LPP: variants seen among roughly 807,000 people sequenced by gnomAD.
LPP encodes the protein LIM domain containing preferred translocation partner in lipoma.
In LPP, 38 loss-of-function variants were observed where a neutral mutation model predicts 60.4. That is an observed-to-expected ratio of 0.63 (90% CI 0.49 to 0.83). LPP has a LOEUF of 0.83. LPP is among the 40% of genes least tolerant of loss of function. The pLI, the probability that LPP is intolerant of heterozygous loss-of-function variation, is 0.00. For missense variants in LPP, 902 were observed against 783.6 expected (o/e 1.15, Z -1.80); for synonymous variants, 328 against 290.8 (o/e 1.13, Z -1.30).
chr3:188,846,478 G>T (rs934557444), intron 9 of LPP, among the ~76,000 whole-genome samples: 2 of 152,030 alleles, frequency 1.3e-5, no homozygotes, highest in Non-Finnish European at 2.9e-5. Context: ...GAGGTCAGGG[G>T]TTCAAGACCA....
chr3:188,229,357 G>A (rs1718998549), intron 2 of LPP, among the ~76,000 whole-genome samples: 1 of 152,124 alleles, frequency 6.6e-6, no homozygotes, highest in African/African-American at 2.4e-5. Flanking sequence ...GTTGATACCG[G>A]TTTACAATTG....
intron 9 of LPP, among the ~76,000 whole-genome samples, chr3:188,839,112 A>C (rs1488187239): frequency 6.6e-6 from 1 of 152,224 alleles, no homozygotes; most frequent in Admixed American, 6.5e-5. Flanking sequence ...GATGAAAATC[A>C]CCAAATAGTA....
intron 5 of LPP, among the ~76,000 whole-genome samples, chr3:188,507,168 C>A (rs1172886496): frequency 6.6e-6 from 1 of 152,094 alleles, no homozygotes; most frequent in Non-Finnish European, 1.5e-5. Context: ...TTGATCTATT[C>A]TTTCTTCGAC....
chr3:188,588,349 C>T (rs910254892), intron 6 of LPP, among the ~76,000 whole-genome samples: 2 of 152,174 alleles, frequency 1.3e-5, no homozygotes, highest in Non-Finnish European at 2.9e-5. Context: ...GTGTCCCTCC[C>T]CTGCCCTTCT....
intron 7 of LPP, among the ~76,000 whole-genome samples, chr3:188,675,184 C>T (rs1196699838): frequency 6.6e-6 from 1 of 152,178 alleles, no homozygotes; most frequent in Admixed American, 6.5e-5. Flanking sequence ...AACAGCTGTT[C>T]AGACTTGTGG....
At chr3:188,670,858 G>T (rs191565791) in intron 7 of LPP, among the ~76,000 whole-genome samples, 2 of 152,158 alleles carry the variant, frequency 1.3e-5, no homozygotes, top group African/African-American at 4.8e-5. Flanking sequence ...TATTTGGAGC[G>T]CTACCATGAT....
At chr3:188,602,613 A>G (rs1328805708) in intron 6 of LPP, among the ~76,000 whole-genome samples, 1 of 151,708 alleles carries the variant, frequency 6.6e-6, no homozygotes, top group Non-Finnish European at 1.5e-5. Context: ...GAATCACTGG[A>G]TTTTTGAGAG....
intron 2 of LPP, among the ~76,000 whole-genome samples, chr3:188,296,811 G>T (rs1748054635): frequency 6.6e-6 from 1 of 152,180 alleles, no homozygotes. Flanking sequence ...GGGAGGATCT[G>T]CCTCTAACAG....
intron 7 of LPP, among the ~76,000 whole-genome samples, chr3:188,687,950 T>A (rs1195820126): frequency 6.6e-6 from 1 of 152,118 alleles, no homozygotes; most frequent in African/African-American, 2.4e-5. Flanking sequence ...AATTTTTTTG[T>A]ATTTTTAGTA....
chr3:188,398,252 T>C (rs957463106), intron 3 of LPP, among the ~76,000 whole-genome samples: 2 of 152,134 alleles, frequency 1.3e-5, no homozygotes. Context: ...TTAGAGGGAA[T>C]GGTAGTGGAT....
At chr3:188,468,496 C>T (rs1436905435) in intron 4 of LPP, among the ~76,000 whole-genome samples, 1 of 152,088 alleles carries the variant, frequency 6.6e-6, no homozygotes, top group Admixed American at 6.6e-5. Context: ...GACTAGCGGA[C>T]CTCTTTATTC....
chr3:188,847,397 AAAG>A (rs1405320017), intron 9 of LPP, among the ~76,000 whole-genome samples: 2 of 152,226 alleles, frequency 1.3e-5, no homozygotes, highest in South Asian at 2.1e-4. Flanking sequence ...TGGAGAAATC[AAAG>A]AAGACTCTCA....
intron 4 of LPP, among the ~76,000 whole-genome samples, chr3:188,420,684 A>G (rs560371903): frequency 3.9e-5 from 6 of 152,270 alleles, no homozygotes; most frequent in African/African-American, 1.2e-4. Flanking sequence ...CATTAAGAAA[A>G]GTAACATCTC....
intron 9 of LPP, among the ~76,000 whole-genome samples, chr3:188,846,000 C>T (rs928858950): frequency 3.9e-5 from 6 of 152,340 alleles, no homozygotes; most frequent in Admixed American, 3.3e-4. Flanking sequence ...CTATTAATCT[C>T]GACAAAATCA....
chr3:188,883,139 C>T lies in LPP; in HGVS notation c.*8660C>T. On this transcript the variant is annotated 3_prime_UTR_variant, in exon 12 of 12. Coordinates refer to ENST00000617246, the MANE Select transcript of LPP (RefSeq NM_001375462.1). ...GGGGCATATGTTCTCTTTGGTGCCA[C>T]ACAAAACCTGTAGTACATGATACAG... 1 of 219,014 alleles carries T rather than the reference C, an allele frequency of 4.6e-6. No homozygotes were observed. Among genetic ancestry groups the T allele is most frequent in the Non-Finnish European group, 9.2e-6 (1 of 108,968 alleles). 13.6% of individuals were successfully genotyped at this position (219,014 alleles called of 1,614,324 possible). A position where few individuals can be genotyped will look rare whatever the true frequency, so the allele number is the denominator to read the frequency against.
intron 7 of LPP, among the ~76,000 whole-genome samples, chr3:188,624,408 A>G (rs1418810272): frequency 6.6e-6 from 1 of 152,246 alleles, no homozygotes; most frequent in African/African-American, 2.4e-5. Flanking sequence ...TTCAAAACAA[A>G]CACGGCTTGA....
rs1252458000 is a variant in LPP at position 188,384,831 on chromosome 3, G to T, written c.-9-21281G>T. 9.5e-5 allele frequency among the ~76,000 whole-genome samples: 13 copies of T among 137,170 alleles called. No individual in the cohort carries two copies. The South Asian group carries it at 1.9e-3, about 20-fold the overall frequency. The allele number at this position is 137,170 out of a possible 152,430, so 90.0% of individuals were successfully genotyped here. A position where few individuals can be genotyped will look rare whatever the true frequency, so the allele number is the denominator to read the frequency against. On this transcript the variant is annotated intron_variant, in intron 3 of 11. Transcript: ENST00000617246. ...AAAAAAAAAAAAAAAAAAAATTTCAGAAGTCCCGGAGTCCTTTCCATGATG... is the reference window on the plus strand; with the variant it reads ...AAAAAAAAAAAAAAAAAAAATTTCATAAGTCCCGGAGTCCTTTCCATGATG...
At position 188,884,934 on chromosome 3, in the gene LPP, G is replaced by A; in HGVS notation, c.*10455G>A. 4.5e-6 allele frequency: 1 copy of A among 219,872 alleles called. No individual in the cohort carries two copies. Among genetic ancestry groups the A allele is most frequent in the East Asian group, 6.7e-5 (1 of 15,000 alleles). 13.6% of individuals were successfully genotyped at this position (219,872 alleles called of 1,614,324 possible). A position where few individuals can be genotyped will look rare whatever the true frequency, so the allele number is the denominator to read the frequency against. On this transcript the variant is annotated 3_prime_UTR_variant, in exon 12 of 12. Coordinates refer to ENST00000617246, the MANE Select transcript of LPP (RefSeq NM_001375462.1). ...GAGATTTGGCCTTTGCCATTTGATA[G>A]ACTTTGCTTCCCAGGATGCTGTCAT...
rs767771451 is a variant in LPP, at chr3:188,529,243, C to T, written c.429+4456C>T. On this transcript the variant is annotated intron_variant, in intron 6 of 11. Coordinates refer to ENST00000617246, the MANE Select transcript of LPP (RefSeq NM_001375462.1). ...AAGAGAAGATGATGTCTATAGTAGA[C>T]GGTGTTGTGTTATAATTGAAAGGTA... Among the ~76,000 whole-genome samples, 31 of 152,232 alleles carry T rather than the reference C, an allele frequency of 2.0e-4. 1 individual carries two copies. The highest frequency in any genetic ancestry group is 6.8e-3 in the Middle Eastern group (2 of 294).
Sources: allele counts gnomAD v4.1 joint callset (sites outside exome capture counted in the v4.1 genomes callset), GRCh38; gene constraint gnomAD v4.1.1; transcripts MANE v1.5; gene names NCBI Gene and HGNC (gene_info 2026-07-23, HGNC 2026-07-21).